The following CHRM3 variants were observed in gnomAD, a reference collection of about 807,000 sequenced individuals.
CHRM3 encodes muscarinic acetylcholine receptor M3.
A neutral mutation model predicts 41.8 loss-of-function variants in CHRM3; 11 were observed. The observed-to-expected ratio is 0.26, with a 90% CI of 0.17 to 0.44. The LOEUF (loss-of-function observed/expected upper bound fraction) is 0.44, where lower values mean the gene tolerates loss of function less well. CHRM3 is among the 20% of genes least tolerant of loss of function. The probability of loss-of-function intolerance (pLI) is 1.00; values close to 1 mark genes in which losing one functional copy is unlikely to be tolerated. For synonymous variants in CHRM3, 297 were observed against 301.4 expected (o/e 0.99, Z 0.15); for missense variants, 571 against 745.4 (o/e 0.77, Z 2.72).
intron 5 of CHRM3, among the ~76,000 whole-genome samples, chr1:239,721,157 C>A (rs1662935881): frequency 6.6e-6 from 1 of 151,806 alleles, no homozygotes; most frequent in Admixed American, 6.6e-5. Context: ...CTCAAAAAAT[C>A]CAATGGGTTT....
intron 4 of CHRM3, among the ~76,000 whole-genome samples, chr1:239,639,100 T>C (rs1362594894): frequency 5.9e-5 from 9 of 151,916 alleles, no homozygotes; most frequent in African/African-American, 1.9e-4. Flanking sequence ...TTCTGAGGGC[T>C]CTGTTCTGTT....
intron 4 of CHRM3, among the ~76,000 whole-genome samples, chr1:239,666,592 TCCA>T (rs1466008756): frequency 6.6e-6 from 1 of 152,176 alleles, no homozygotes; most frequent in Non-Finnish European, 1.5e-5. Flanking sequence ...ATTTTTCTTT[TCCA>T]CCACCTGCCT....
chr1:239,740,066 G>A (rs1664705540), intron 5 of CHRM3, among the ~76,000 whole-genome samples: 1 of 152,164 alleles, frequency 6.6e-6, no homozygotes, highest in Non-Finnish European at 1.5e-5. Context: ...AGCATGAGGG[G>A]ATAGTGTAGT....
At chr1:239,902,324 T>G (rs903544781) in intron 6 of CHRM3, among the ~76,000 whole-genome samples, 1 of 152,188 alleles carries the variant, frequency 6.6e-6, no homozygotes, top group Non-Finnish European at 1.5e-5. Context: ...GTTTTATAGA[T>G]GAAGAAAGGT....
chr1:239,882,099 G>A (rs943664074), intron 6 of CHRM3, among the ~76,000 whole-genome samples: 3 of 152,156 alleles, frequency 2.0e-5, no homozygotes, highest in African/African-American at 4.8e-5. Flanking sequence ...GTAGAGATGG[G>A]GTTTCGCCTT....
intron 4 of CHRM3, among the ~76,000 whole-genome samples, chr1:239,662,912 T>TCTTCTTCTTCTC (rs1558431469): frequency 6.7e-5 from 7 of 105,246 alleles, no homozygotes; most frequent in African/African-American, 1.6e-4. Flanking sequence ...TTCTTCTTCT[T>TCTTCTTCTTCTC]CTTCTTCTTC....
At chr1:239,589,265 GTATTAA>G (rs1663799439) in intron 3 of CHRM3, among the ~76,000 whole-genome samples, 1 of 151,890 alleles carries the variant, frequency 6.6e-6, no homozygotes, top group African/African-American at 2.4e-5. Flanking sequence ...AACTGGAAAA[GTATTAA>G]TTCTCGTGAA....
intron 3 of CHRM3, among the ~76,000 whole-genome samples, chr1:239,589,143 A>C (rs1047331412): frequency 7.9e-5 from 12 of 152,208 alleles, no homozygotes; most frequent in African/African-American, 2.9e-4. Flanking sequence ...CATGTTGGCC[A>C]AGCTGGTCTC....
At chr1:239,727,258 T>C (rs1434676846) in intron 5 of CHRM3, among the ~76,000 whole-genome samples, 1 of 151,952 alleles carries the variant, frequency 6.6e-6, no homozygotes, top group East Asian at 1.9e-4. Context: ...TTTCATTTTC[T>C]ATTTGGACAG....
intron 6 of CHRM3, among the ~76,000 whole-genome samples, chr1:239,873,974 G>A (rs1434008699): frequency 6.6e-6 from 1 of 151,974 alleles, no homozygotes; most frequent in Non-Finnish European, 1.5e-5. Flanking sequence ...TGGATTTCAT[G>A]GATTTCGTGT....
At chr1:239,688,791 CAAT>C (rs1240376054) in intron 5 of CHRM3, among the ~76,000 whole-genome samples, 1 of 132,284 alleles carries the variant, frequency 7.6e-6, no homozygotes, top group Admixed American at 8.3e-5. Context: ...ATATAATATA[CAAT>C]ATTATATATA....
chr1:239,600,455 C>A (rs1184605592), intron 3 of CHRM3, among the ~76,000 whole-genome samples: 2 of 152,016 alleles, frequency 1.3e-5, no homozygotes, highest in Non-Finnish European at 2.9e-5. Flanking sequence ...GGCTAATATC[C>A]TGGAAGAGGA....
At chr1:239,806,926 A>G (rs1670701198) in intron 5 of CHRM3, among the ~76,000 whole-genome samples, 1 of 152,186 alleles carries the variant, frequency 6.6e-6, no homozygotes, top group African/African-American at 2.4e-5. Flanking sequence ...TTCTGTTTTG[A>G]GAGTAGTACC....
At chr1:239,811,145 A>G (rs1251011510) in intron 5 of CHRM3, among the ~76,000 whole-genome samples, 2 of 152,174 alleles carry the variant, frequency 1.3e-5, no homozygotes, top group Non-Finnish European at 2.9e-5. Flanking sequence ...CAAAATCCCA[A>G]TAGCATTTCA....
At position 239,510,231 on chromosome 1, in the gene CHRM3, C is replaced by G. The variant is rs1315499178; in HGVS notation, c.-422+17424C>G. On this transcript the variant is annotated intron_variant, in intron 2 of 6. Coordinates refer to ENST00000676153, the MANE Select transcript of CHRM3 (RefSeq NM_001375978.1). ...CCTACTTCCAAATTGTTAGTTTAAGCCAAACATCATACCCCATTTTCTCTA... is the reference window on the plus strand; with the variant it reads ...CCTACTTCCAAATTGTTAGTTTAAGGCAAACATCATACCCCATTTTCTCTA... Among the ~76,000 whole-genome samples the G allele has an allele frequency of 4.6e-5, 7 of 152,318 alleles. No individual in the cohort carries two copies. The East Asian group carries it at 9.6e-4, about 21-fold the overall frequency.
intron 3 of CHRM3, among the ~76,000 whole-genome samples, chr1:239,548,689 G>GTTGC (rs1659520767): frequency 6.6e-6 from 1 of 152,174 alleles, no homozygotes; most frequent in Admixed American, 6.5e-5. Flanking sequence ...TGGTTGCTGT[G>GTTGC]TTGCTGTCCC....
intron 5 of CHRM3, among the ~76,000 whole-genome samples, chr1:239,819,636 T>A (rs1671874140): frequency 6.6e-6 from 1 of 152,190 alleles, no homozygotes; most frequent in South Asian, 2.1e-4. Flanking sequence ...GTGAGAAGTA[T>A]TTTCTGTGTT....
chr1:239,745,813 TA>T (rs1665304489), intron 5 of CHRM3, among the ~76,000 whole-genome samples: 1 of 152,148 alleles, frequency 6.6e-6, no homozygotes, highest in African/African-American at 2.4e-5. Flanking sequence ...ATGCAGCTGT[TA>T]CTTTTTCTTA....
intron 5 of CHRM3, among the ~76,000 whole-genome samples, chr1:239,682,747 T>C (rs924477781): frequency 5.9e-5 from 9 of 152,184 alleles, no homozygotes; most frequent in African/African-American, 1.9e-4. Flanking sequence ...TATTATTTTA[T>C]GTTAATACAA....
Sources: gnomAD v4.1 joint callset for allele counts (sites outside exome capture counted in the v4.1 genomes callset) on GRCh38, gnomAD v4.1.1 for gene constraint, MANE v1.5 for transcripts, NCBI Gene and HGNC (gene_info 2026-07-23, HGNC 2026-07-21) for gene names.